Variants in SLC25A18 observed in about 807,000 individuals in gnomAD.
SLC25A18 encodes the protein solute carrier family 25 member 18.
In SLC25A18, 24 loss-of-function variants were observed where a neutral mutation model predicts 31.1. That is an observed-to-expected ratio of 0.77 (90% CI 0.56 to 1.08). The LOEUF (loss-of-function observed/expected upper bound fraction) is 1.08. Among genes scored for constraint, SLC25A18 ranks in the 50% least tolerant of loss-of-function variants. The pLI is 0.00. For synonymous variants in SLC25A18, 173 were observed against 161.9 expected, an observed-to-expected ratio of 1.07 and a Z score of -0.52; for missense variants, 371 against 418.5, an observed-to-expected ratio of 0.89 and a Z score of 0.99.
Position 17,590,377 on chromosome 22 carries a change from C to A in SLC25A18, c.*141C>A. On this transcript the variant is annotated 3_prime_UTR_variant, in exon 11 of 11. Transcript: ENST00000327451. ...AGTGCTACCTCAATCTCGGGAGAAACAGCCCTATATTCTAACAAGTTGAGC... is the reference window on the plus strand; with the variant it reads ...AGTGCTACCTCAATCTCGGGAGAAAAAGCCCTATATTCTAACAAGTTGAGC... 1.0e-6 allele frequency: 1 copy of A among 982,176 alleles called. No homozygotes were observed. The highest frequency in any genetic ancestry group is 1.5e-6 in the Non-Finnish European group (1 of 667,810). The allele number at this position is 982,176 out of a possible 1,614,324, so 60.8% of individuals were successfully genotyped here.
chr22:17,580,471 T>C, intron 3 of SLC25A18: 1 of 960,770 alleles, frequency 1.0e-6, no homozygotes, highest in African/African-American at 1.8e-5. Context: ...TGGCTGGAAC[T>C]AGGTCACCTC....
rs564799851 is a variant in SLC25A18, at chr22:17,570,847, T to C, written c.-201+861T>C. Among the ~76,000 whole-genome samples the C allele has an allele frequency of 4.5e-4, 69 of 152,306 alleles. 1 individual carries two copies. The highest frequency in any genetic ancestry group is 1.6e-3 in the African/African-American group (67 of 41,562). ...TCATGGGGAAGCAAGTCAGTGTCAATGTAATGCAGTAAGTGCTGCAACTGA... is the reference window on the plus strand; with the variant it reads ...TCATGGGGAAGCAAGTCAGTGTCAACGTAATGCAGTAAGTGCTGCAACTGA... On this transcript the variant is annotated intron_variant, in intron 2 of 10. Coordinates refer to ENST00000327451, the MANE Select transcript of SLC25A18 (RefSeq NM_031481.3).
chr22:17,564,582 TG>T (rs71315385), intron 1 of SLC25A18, among the ~76,000 whole-genome samples: 84 of 151,940 alleles, frequency 5.5e-4, no homozygotes, highest in Non-Finnish European at 5.9e-4. Flanking sequence ...TTAAGTTGGC[TG>T]GGGCGCGGTG....
chr22:17,581,131 C>A lies in SLC25A18; in HGVS notation c.115C>A (p.Gln39Lys). The change falls in exon 4 of 11, where the codon CAG becomes AAG. Residue 39 changes from glutamine (Q) to lysine (K), a missense_variant. By Grantham distance (53) the Gln-to-Lys change is moderately conservative (BLOSUM62 1). Coordinates refer to ENST00000327451, the MANE Select transcript of SLC25A18 (RefSeq NM_031481.3). ...CTTGGCCAAGACTCGCCTGCAGAACCAGCATGGGAAAGCCATGTACAAAGG... is the reference window on the plus strand; with the variant it reads ...CTTGGCCAAGACTCGCCTGCAGAACAAGCATGGGAAAGCCATGTACAAAGG... ...IDLAKTRLQN[Q>K]HGKAMYKGMI... The A allele has an allele frequency of 6.3e-7, 1 of 1,595,668 alleles. No individual in the cohort carries two copies. The highest frequency in any genetic ancestry group is 8.5e-7 in the Non-Finnish European group (1 of 1,170,902).
At chr22:17,584,422 A>AGAAAGAAAGAAAGAAAG (rs201926051) in intron 7 of SLC25A18, among the ~76,000 whole-genome samples, 64 of 134,186 alleles carry the variant, frequency 4.8e-4, no homozygotes, top group Admixed American at 1.4e-3. Context: ...AAAGAAAGAA[A>AGAAAGAAAGAAAGAAAG]GAAGGAAGGA....
chr22:17,589,748 C>G, intron 10 of SLC25A18, 83 bp downstream of exon 10: 1 of 1,293,202 alleles, frequency 7.7e-7, no homozygotes, highest in Non-Finnish European at 1.1e-6. Flanking sequence ...TAGAGACCAA[C>G]TTGAATTGCT....
At chr22:17,569,552 G>T in intron 1 of SLC25A18, 1 of 944,868 alleles carries the variant, frequency 1.1e-6, no homozygotes, top group Non-Finnish European at 1.3e-6. Flanking sequence ...TCTTGCAAAA[G>T]TGTTTGCGTT....
At chr22:17,573,509 G>A (rs1466108993) in intron 2 of SLC25A18, among the ~76,000 whole-genome samples, 1 of 152,146 alleles carries the variant, frequency 6.6e-6, no homozygotes, top group Non-Finnish European at 1.5e-5. Flanking sequence ...GGGCACCTGG[G>A]GGCTGGAGGA....
intron 9 of SLC25A18, 106 bp from the exon 10 acceptor site, chr22:17,589,484 A>C (rs1000222450): frequency 3.1e-6 from 3 of 979,764 alleles, no homozygotes; most frequent in Non-Finnish European, 4.7e-6. Flanking sequence ...CCTATGAGTC[A>C]GTTTTATATG....
At chr22:17,565,936 T>G (rs868756313) in intron 1 of SLC25A18, among the ~76,000 whole-genome samples, 28 of 151,792 alleles carry the variant, frequency 1.8e-4, no homozygotes, top group African/African-American at 6.0e-4. Context: ...CTAGTGATCC[T>G]CCCACCTCAG....
intron 6 of SLC25A18, 84 bp from the exon 7 acceptor site, chr22:17,583,331 GA>G: frequency 6.4e-7 from 1 of 1,564,378 alleles, no homozygotes; most frequent in Non-Finnish European, 8.7e-7. Context: ...GCCATCCAGG[GA>G]AAGTCCCCCT....
chr22:17,585,562 C>T (rs1203371252), intron 7 of SLC25A18, among the ~76,000 whole-genome samples: 1 of 151,838 alleles, frequency 6.6e-6, no homozygotes, highest in Non-Finnish European at 1.5e-5. Context: ...AAAAGAAATA[C>T]AGAATTTCAG....
At chr22:17,565,727 C>T (rs757592487) in intron 1 of SLC25A18, among the ~76,000 whole-genome samples, 1 of 152,000 alleles carries the variant, frequency 6.6e-6, no homozygotes, top group Admixed American at 6.5e-5. Context: ...ATTAGCCGGG[C>T]ATGATGGGGC....
At chr22:17,588,403 T>C in intron 9 of SLC25A18, 1 of 275,238 alleles carries the variant, frequency 3.6e-6, no homozygotes, top group South Asian at 4.2e-5. Context: ...TCCCAGCACT[T>C]TGGGAGCCCA....
Position 17,574,578 on chromosome 22 carries a change from G to A in SLC25A18, c.-201+4592G>A, listed in dbSNP as rs546124962. On this transcript the variant is annotated intron_variant, in intron 2 of 10. Coordinates refer to ENST00000327451, the MANE Select transcript of SLC25A18 (RefSeq NM_031481.3). ...GTCGCCCAGGCTAGAGTGCAATGGC[G>A]TCGTTTCGGCTCACTGCAATCACCA... Among the ~76,000 whole-genome samples, 12 of 148,934 alleles carry A rather than the reference G, an allele frequency of 8.1e-5. No homozygotes were observed. In the South Asian group the frequency reaches 8.4e-4, roughly 10 times the overall value.
intron 3 of SLC25A18, 24 bp downstream of exon 3, chr22:17,579,988 A>AGGCCCTG (rs770698856): frequency 3.7e-6 from 6 of 1,606,874 alleles, no homozygotes; most frequent in South Asian, 2.2e-5. Context: ...GGGCAGCCTG[A>AGGCCCTG]GGCCCTGGGC....
rs779433707 is a variant in SLC25A18 at position 17,588,038 on chromosome 22, T to G, written c.689T>G (p.Val230Gly). ...GCACATTCCTTCGTGTCAGGCTGTG[T>G]GGCAGGTTCCATAGCTGCGGTCGCA... Reference protein sequence around the residue: ...SFAHSFVSGCVAGSIAAVAVT... With the variant: ...SFAHSFVSGCGAGSIAAVAVT... Residue 230 changes from valine to glycine, a missense_variant, in exon 9 of 11, where the codon GTG becomes GGG. Coordinates refer to ENST00000327451, the MANE Select transcript of SLC25A18 (RefSeq NM_031481.3). 1 of 1,614,204 alleles carries G rather than the reference T, an allele frequency of 6.2e-7. No homozygotes were observed. The highest frequency in any genetic ancestry group is 1.1e-5 in the South Asian group (1 of 91,080).
At chr22:17,574,581 G>A (rs533581689) in intron 2 of SLC25A18, among the ~76,000 whole-genome samples, 46 of 142,188 alleles carry the variant, frequency 3.2e-4, no homozygotes, top group Non-Finnish European at 5.9e-4. Flanking sequence ...CAATGGCGTC[G>A]TTTCGGCTCA....
In SLC25A18 at chr22:17,587,967, C is replaced by A. The variant is rs780526057; in HGVS notation, c.618C>A (p.Asn206Lys). The A allele has an allele frequency of 8.7e-6, 14 of 1,614,220 alleles. No homozygotes were observed. Among genetic ancestry groups the A allele is most frequent in the Non-Finnish European group, 1.1e-5 (13 of 1,180,048 alleles). The change falls in exon 9 of 11, where the codon AAC (asparagine) becomes AAA (lysine). Residue 206 changes from asparagine to lysine, a missense_variant. Asn to Lys is a moderately conservative substitution (Grantham distance 94). Coordinates refer to ENST00000327451, the MANE Select transcript of SLC25A18 (RefSeq NM_031481.3). ...FSIIYFPLFA[N>K]LNNLGFNELA... is the part of the protein sequence containing the mutation. ...TCATCTACTTCCCACTGTTTGCCAA[C>A]CTTAACAACCTGGGGTTCAACGAGC...
Sources: gnomAD v4.1 joint callset for allele counts (sites outside exome capture counted in the v4.1 genomes callset) on GRCh38, gnomAD v4.1.1 for gene constraint, MANE v1.5 for transcripts, NCBI Gene and HGNC (gene_info 2026-07-23, HGNC 2026-07-21) for gene names.